STX11: variants seen among roughly 807,000 people sequenced by gnomAD.
The protein encoded by STX11 is syntaxin 11.
Under a neutral mutation model 19.9 loss-of-function variants are expected in STX11, and 21 were observed. The observed-to-expected ratio is 1.06, with a 90% CI of 0.75 to 1.52. The LOEUF (loss-of-function observed/expected upper bound fraction) is 1.52. Among genes scored for constraint, STX11 ranks in the 40% most tolerant of loss-of-function variants. STX11 has a pLI of 0.00. For missense variants in STX11, 438 were observed against 405.9 expected, an observed-to-expected ratio of 1.08 and a Z score of -0.68; for synonymous variants, 193 against 174.4, an observed-to-expected ratio of 1.11 and a Z score of -0.84.
At position 144,187,033 on chromosome 6, in the gene STX11, A is replaced by G. The variant is rs768684835; in HGVS notation, c.406A>G (p.Thr136Ala). ...RISRAQYNAL[T>A]LTFQRAMHDY... ...TTCGCGGGCGCAGTACAACGCGCTCACCCTCACCTTCCAGCGCGCCATGCA... is the reference window on the plus strand; with the variant it reads ...TTCGCGGGCGCAGTACAACGCGCTCGCCCTCACCTTCCAGCGCGCCATGCA... The change falls in exon 2 of 2, where the codon ACC becomes GCC. Residue 136 changes from threonine to alanine, a missense_variant. Thr to Ala is a moderately conservative substitution (Grantham distance 58). Transcript: ENST00000367568. The surrounding 1 kb of genome is among the most constrained non-coding windows in gnomAD (Gnocchi z 5.6). 2.5e-6 allele frequency: 4 copies of G among 1,612,500 alleles called. No homozygotes were observed. Among genetic ancestry groups the G allele is most frequent in the African/African-American group, 1.3e-5 (1 of 74,936 alleles).
chr6:144,144,922 T>C, the STX11 span, among the ~76,000 whole-genome samples: 2 of 152,222 alleles, frequency 1.3e-5, no homozygotes, highest in Non-Finnish European at 2.9e-5. Context: ...GTGGAGACAC[T>C]GGAACCCTTG....
Position 144,176,684 on chromosome 6 carries a change from A to G in STX11, c.-5-9939A>G, listed in dbSNP as rs539353618. On this transcript the variant is annotated intron_variant, in intron 1 of 1. Coordinates refer to ENST00000367568, the MANE Select transcript of STX11 (RefSeq NM_003764.4). This position sits in a 1 kb window ranked among gnomAD's most constrained non-coding sequence, Gnocchi z 4.1. ...ATTTTAACTCCCAGGAAAGAGAAAC[A>G]TTTTAAATCAAATCAAGCTGATCTT... Among the ~76,000 whole-genome samples the G allele has an allele frequency of 3.3e-5, 5 of 152,340 alleles. No homozygotes were observed. The highest frequency in any genetic ancestry group is 1.2e-4 in the African/African-American group (5 of 41,580).
rs1801018077 is a variant in STX11, at chr6:144,151,966, T to A, written c.-6+1263T>A. ...GGACACCATCTCTACTGGAGCTGAG[T>A]TGAGCTGAATTCAGCCTCAAACAAC... On this transcript the variant is annotated intron_variant, in intron 1 of 1. Coordinates refer to ENST00000367568, the MANE Select transcript of STX11 (RefSeq NM_003764.4). The surrounding 1 kb of genome is among the most constrained non-coding windows in gnomAD (Gnocchi z 4.6). 6.6e-6 allele frequency among the ~76,000 whole-genome samples: 1 copy of A among 152,020 alleles called. No individual in the cohort carries two copies. The highest frequency in any genetic ancestry group is 2.4e-5 in the African/African-American group (1 of 41,372).
rs578225411 is a variant in STX11 at position 144,159,863 on chromosome 6, C to T, written c.-6+9160C>T. 1.3e-3 allele frequency among the ~76,000 whole-genome samples: 197 copies of T among 152,116 alleles called. 4 individuals are homozygous for T. The highest frequency in any genetic ancestry group is 3.5e-4 in the Non-Finnish European group (24 of 67,992). On this transcript the variant is annotated intron_variant, in intron 1 of 1. Transcript: ENST00000367568. This position sits in a 1 kb window ranked among gnomAD's most constrained non-coding sequence, Gnocchi z 4.3. Reference sequence around the variant, plus strand: ...AGTGCATTGCCCCAGAAGTCCATGCCCACTGAGGTTTCTCATCTTTCCAGG... The same window carrying T: ...AGTGCATTGCCCCAGAAGTCCATGCTCACTGAGGTTTCTCATCTTTCCAGG...
In STX11 at chr6:144,187,577, G is replaced by C. The variant is rs560953396; in HGVS notation, c.*86G>C. 10 of 1,576,386 alleles carry C rather than the reference G, an allele frequency of 6.3e-6. No homozygotes were observed. In the South Asian group the frequency reaches 1.0e-4, roughly 16 times the overall value. On this transcript the variant is annotated 3_prime_UTR_variant, in exon 2 of 2. Transcript: ENST00000367568. This position sits in a 1 kb window ranked among gnomAD's most constrained non-coding sequence, Gnocchi z 5.6. ...CCAAAGCCGGGAGCTCTGCCCTGCA[G>C]GGAGTTGCCCCAACCCTTTCCGGAA...
rs1400366734 is a variant in STX11 at position 144,177,431 on chromosome 6, G to A, written c.-5-9192G>A. Among the ~76,000 whole-genome samples, 4 of 152,204 alleles carry A rather than the reference G, an allele frequency of 2.6e-5. No homozygotes were observed. Among genetic ancestry groups the A allele is most frequent in the Non-Finnish European group, 2.9e-5 (2 of 68,036 alleles). ...AGCCTTGAGGCCTTGACCCTTGAGT[G>A]CTCCTGTCTTTACTTTCTCCCTTAG... On this transcript the variant is annotated intron_variant, in intron 1 of 1. Transcript: ENST00000367568. This position sits in a 1 kb window ranked among gnomAD's most constrained non-coding sequence, Gnocchi z 4.4.
the STX11 span, among the ~76,000 whole-genome samples, chr6:144,142,947 G>A: frequency 6.6e-6 from 1 of 152,130 alleles, no homozygotes; most frequent in South Asian, 2.1e-4. Flanking sequence ...AACTCAAGGT[G>A]AGGGATACCC....
rs1801009279 is a variant in STX11 at position 144,151,617 on chromosome 6, T to C, written c.-6+914T>C. Among the ~76,000 whole-genome samples the C allele has an allele frequency of 6.6e-6, 1 of 152,234 alleles. No homozygotes were observed. Among genetic ancestry groups the C allele is most frequent in the South Asian group, 2.1e-4 (1 of 4,832 alleles). ...GCCAGTAAAGGTCACTGGGCTGATC[T>C]AAGATAACCATTGAAATCATGTGCT... On this transcript the variant is annotated intron_variant, in intron 1 of 1. Transcript: ENST00000367568. This position sits in a 1 kb window ranked among gnomAD's most constrained non-coding sequence, Gnocchi z 4.6.
the STX11 span, among the ~76,000 whole-genome samples, chr6:144,140,209 C>CATAAATATATATAT: frequency 2.2e-5 from 1 of 44,472 alleles, no homozygotes; most frequent in African/African-American, 9.1e-5. Context: ...GGTCAATTCA[C>CATAAATATATATAT]ATATATATAT....
intron 1 of STX11, among the ~76,000 whole-genome samples, chr6:144,163,166 C>A (rs754564714): frequency 1.3e-5 from 2 of 152,144 alleles, no homozygotes; most frequent in Non-Finnish European, 2.9e-5. Context: ...GTCAGATAGT[C>A]GATAATGGGG....
rs918522617 is a variant in STX11, at chr6:144,153,369, A to T, written c.-6+2666A>T. On this transcript the variant is annotated intron_variant, in intron 1 of 1. Transcript: ENST00000367568. The surrounding 1 kb of genome is among the most constrained non-coding windows in gnomAD (Gnocchi z 5.0). ...GAATAATGAACCTTCACGTAGGAGG[A>T]TGAATTGTCAGGCAAGTGGAATTGT... is the stretch of plus-strand genomic sequence containing the variant. Among the ~76,000 whole-genome samples, 1 of 152,146 alleles carries T rather than the reference A, an allele frequency of 6.6e-6. No homozygotes were observed. Among genetic ancestry groups the T allele is most frequent in the Admixed American group, 6.5e-5 (1 of 15,278 alleles).
In STX11 at chr6:144,172,915, A is replaced by G. The variant is rs1049002580; in HGVS notation, c.-5-13708A>G. Among the ~76,000 whole-genome samples, 1 of 152,162 alleles carries G rather than the reference A, an allele frequency of 6.6e-6. No individual in the cohort carries two copies. The highest frequency in any genetic ancestry group is 1.5e-5 in the Non-Finnish European group (1 of 68,036). ...AAAAAAAGAGCCATTAACAGGATAC[A>G]TATGACAACCACTGGTCCATAGCAG... On this transcript the variant is annotated intron_variant, in intron 1 of 1. Coordinates refer to ENST00000367568, the MANE Select transcript of STX11 (RefSeq NM_003764.4). This position sits in a 1 kb window ranked among gnomAD's most constrained non-coding sequence, Gnocchi z 4.2.
chr6:144,168,366 A>G (rs888217186), intron 1 of STX11, among the ~76,000 whole-genome samples: 1 of 152,212 alleles, frequency 6.6e-6, no homozygotes, highest in Non-Finnish European at 1.5e-5. Flanking sequence ...CTCATCACAC[A>G]TCCACTATGT....
chr6:144,189,894 T>C lies in STX11; in HGVS notation c.*2403T>C, dbSNP rs924221410. Among the ~76,000 whole-genome samples the C allele has an allele frequency of 2.6e-5, 4 of 152,196 alleles. No homozygotes were observed. The highest frequency in any genetic ancestry group is 9.7e-5 in the African/African-American group (4 of 41,448). ...ATGTTCACATAGCTCCACTGCAATG[T>C]TTTTTATAATAGAGGAGAGATATTG... On this transcript the variant is annotated 3_prime_UTR_variant, in exon 2 of 2. Coordinates refer to ENST00000367568, the MANE Select transcript of STX11 (RefSeq NM_003764.4).
chr6:144,166,169 CAATG>C (rs914184750), intron 1 of STX11, among the ~76,000 whole-genome samples: 2 of 152,212 alleles, frequency 1.3e-5, no homozygotes, highest in African/African-American at 4.8e-5. Context: ...CCACCACTAA[CAATG>C]AAACCTTATT....
rs1260375217 is a variant in STX11, at chr6:144,155,959, TTTCTTTCTTTCTTTC to T, written c.-6+5259_-6+5273del. 1.8e-5 allele frequency among the ~76,000 whole-genome samples: 2 copies of T among 109,854 alleles called. No homozygotes were observed. The highest frequency in any genetic ancestry group is 3.5e-5 in the Non-Finnish European group (2 of 57,294). 72.1% of individuals were successfully genotyped at this position (109,854 alleles called of 152,430 possible). ...AATTTAATCTTTCTTTCTTTCTTTC[TTTCTTTCTTTCTTTC>T]TTTCTTTCTTTCTTTCTTTCTTTCT... On this transcript the variant is annotated intron_variant, in intron 1 of 1. Coordinates refer to ENST00000367568, the MANE Select transcript of STX11 (RefSeq NM_003764.4). This position sits in a 1 kb window ranked among gnomAD's most constrained non-coding sequence, Gnocchi z 4.5.
At position 144,191,181 on chromosome 6, in the gene STX11, A is replaced by G. The variant is rs746125580; in HGVS notation, c.*3690A>G. 1.4e-4 allele frequency among the ~76,000 whole-genome samples: 21 copies of G among 150,348 alleles called. No individual in the cohort carries two copies. The highest frequency in any genetic ancestry group is 2.5e-4 in the Non-Finnish European group (17 of 67,758). ...GACTACTTTCTACTAGCCAAATATC[A>G]AATTTTACAACTACCACCAAGCCAC... is the stretch of plus-strand genomic sequence containing the variant. On this transcript the variant is annotated 3_prime_UTR_variant, in exon 2 of 2. Transcript: ENST00000367568.
In STX11 at chr6:144,181,640, G is replaced by A. The variant is rs116122985; in HGVS notation, c.-5-4983G>A. On this transcript the variant is annotated intron_variant, in intron 1 of 1. Coordinates refer to ENST00000367568, the MANE Select transcript of STX11 (RefSeq NM_003764.4). ...AAAGCTGACATGGTAGGTATCTATG[G>A]AATGGGTCACAAATTTGAGTATGCA... is the stretch of plus-strand genomic sequence containing the variant. Among the ~76,000 whole-genome samples the A allele has an allele frequency of 3.6e-3, 531 of 146,846 alleles. 2 individuals carry two copies. The highest frequency in any genetic ancestry group is 0.013 in the African/African-American group (505 of 39,544).
the STX11 span, among the ~76,000 whole-genome samples, chr6:144,140,286 ACT>A: frequency 4.3e-3 from 552 of 129,222 alleles, 6 homozygotes; most frequent in African/African-American, 0.014. Context: ...AAAGAATCTC[ACT>A]CTGTCACCCA....
Sources: gnomAD v4.1 joint callset for allele counts (sites outside exome capture counted in the v4.1 genomes callset) on GRCh38, gnomAD v4.1.1 for gene constraint, Gnocchi (gnomAD v3.1) non-coding constraint, MANE v1.5 for transcripts, NCBI Gene and HGNC (gene_info 2026-07-23, HGNC 2026-07-21) for gene names.